Variants in LIN54 observed in about 807,000 individuals in gnomAD.
LIN54 encodes the protein lin-54 DREAM MuvB core complex component.
A neutral mutation model predicts 78.7 loss-of-function variants in LIN54; 9 were observed. The ratio of observed to expected loss-of-function variants is 0.11; its 90% CI spans 0.07 to 0.20. The LOEUF is 0.20. LIN54 is among the 10% of genes least tolerant of loss of function. LIN54 has a pLI of 1.00. For synonymous variants in LIN54, 269 were observed against 318.4 expected (o/e 0.84, Z 1.65); for missense variants, 573 against 889.9 (o/e 0.64, Z 4.53).
In LIN54 at chr4:82,973,058, G is replaced by C. The variant is rs1725811608; in HGVS notation, c.809-2589C>G. 2.0e-5 allele frequency among the ~76,000 whole-genome samples: 3 copies of C among 150,524 alleles called. No homozygotes were observed. The South Asian group carries it at 6.3e-4, about 31-fold the overall frequency. On this transcript the variant is annotated intron_variant, in intron 3 of 12. Transcript: ENST00000340417. ...TAATTCACTTAAAACAGGAACAAAA[G>C]TTTCATTATAAATTACAAAACTAAA...
In LIN54 at chr4:82,926,265, G is replaced by T. The variant is rs567733934; in HGVS notation, c.*1837C>A. 1.7e-4 allele frequency: 26 copies of T among 152,330 alleles called. No homozygotes were observed. The highest frequency in any genetic ancestry group is 3.1e-4 in the Non-Finnish European group (21 of 67,930). The allele number at this position is 152,330 out of a possible 1,614,324, so 9.4% of individuals were successfully genotyped here. On this transcript the variant is annotated 3_prime_UTR_variant, in exon 13 of 13. Transcript: ENST00000340417. ...ATTGCAATCTTTTGAAAAATAACTT[G>T]ATTATTATTTTACCCTCTTACACTA...
At chr4:82,944,476 C>A (rs1369384278) in intron 5 of LIN54, among the ~76,000 whole-genome samples, 3 of 152,182 alleles carry the variant, frequency 2.0e-5, no homozygotes, top group Admixed American at 6.5e-5. Context: ...CCTTAGTCAA[C>A]AATATGGTTT....
In LIN54 at chr4:82,925,891, T is replaced by C. The variant is rs949783116; in HGVS notation, c.*2211A>G. On this transcript the variant is annotated 3_prime_UTR_variant, in exon 13 of 13. Transcript: ENST00000340417. ...ATACCCAACCCTCCCCAAATAGTCT[T>C]TTAAAATCATTGAATTAATGTGGCT... 6.6e-6 allele frequency: 1 copy of C among 152,624 alleles called. No homozygotes were observed. The highest frequency in any genetic ancestry group is 1.5e-5 in the Non-Finnish European group (1 of 68,020). 9.5% of individuals were successfully genotyped at this position (152,624 alleles called of 1,614,324 possible).
chr4:83,006,266 G>A (rs1034625955), intron 1 of LIN54, among the ~76,000 whole-genome samples: 5 of 151,984 alleles, frequency 3.3e-5, no homozygotes, highest in African/African-American at 9.7e-5. Flanking sequence ...TGGCTAACAC[G>A]GTGAAACCCC....
intron 1 of LIN54, among the ~76,000 whole-genome samples, chr4:83,002,316 G>A (rs1334525430): frequency 1.3e-5 from 2 of 151,264 alleles, no homozygotes; most frequent in South Asian, 2.1e-4. Flanking sequence ...CATGAGGATC[G>A]CCTAAGCCCA....
At chr4:82,987,392 C>T (rs944677668) in intron 1 of LIN54, among the ~76,000 whole-genome samples, 2 of 152,120 alleles carry the variant, frequency 1.3e-5, no homozygotes, top group Non-Finnish European at 2.9e-5. Context: ...AAAAATAAGT[C>T]TACTTTTCTA....
At chr4:82,933,211 A>G (rs4693060) in intron 11 of LIN54, among the ~76,000 whole-genome samples, 63,587 of 150,552 alleles carry the variant, frequency 0.42, 16,513 homozygotes, top group Admixed American at 0.58. Context: ...AGTGGGGAAA[A>G]CATACCAATA....
At chr4:82,955,267 C>T (rs561939199) in intron 4 of LIN54, among the ~76,000 whole-genome samples, 49 of 151,962 alleles carry the variant, frequency 3.2e-4, no homozygotes, top group African/African-American at 9.6e-4. Flanking sequence ...AGGAAGCTGA[C>T]GCAAGAGAAT....
At chr4:82,950,487 A>G (rs1476799486) in intron 4 of LIN54, among the ~76,000 whole-genome samples, 1 of 152,226 alleles carries the variant, frequency 6.6e-6, no homozygotes. Flanking sequence ...CCTTTCTTCA[A>G]TTACAGTGGC....
intron 2 of LIN54, among the ~76,000 whole-genome samples, chr4:82,980,368 A>C (rs1726531397): frequency 6.6e-6 from 1 of 152,170 alleles, no homozygotes; most frequent in Admixed American, 6.5e-5. Flanking sequence ...ATAGTGACTC[A>C]AATGAAAAAA....
chr4:82,945,979 A>G (rs1000925809), intron 5 of LIN54, among the ~76,000 whole-genome samples: 1 of 152,234 alleles, frequency 6.6e-6, no homozygotes, highest in African/African-American at 2.4e-5. Context: ...TCCCACTGGC[A>G]TAAATGGCAG....
At chr4:82,961,148 G>C (rs567921026) in intron 4 of LIN54, among the ~76,000 whole-genome samples, 1 of 152,216 alleles carries the variant, frequency 6.6e-6, no homozygotes, top group Admixed American at 6.5e-5. Flanking sequence ...TACTTGATGG[G>C]CTATTTGGAG....
intron 1 of LIN54, among the ~76,000 whole-genome samples, chr4:82,993,608 T>C (rs1275124891): frequency 6.6e-6 from 1 of 151,746 alleles, no homozygotes; most frequent in African/African-American, 2.4e-5. Context: ...CTAAAAATGG[T>C]TTTTTGTTTG....
At chr4:82,974,379 GA>G (rs1290688606) in intron 3 of LIN54, among the ~76,000 whole-genome samples, 1 of 151,984 alleles carries the variant, frequency 6.6e-6, no homozygotes, top group Non-Finnish European at 1.5e-5. Context: ...AGAAAATTCT[GA>G]TATATACTAC....
Position 82,926,757 on chromosome 4 carries a change from AAGAAATCCCACC to A in LIN54, c.*1333_*1344del, listed in dbSNP as rs1301009663. The A allele has an allele frequency of 6.6e-6, 1 of 152,218 alleles. No individual in the cohort carries two copies. The highest frequency in any genetic ancestry group is 6.5e-5 in the Admixed American group (1 of 15,280). 9.4% of individuals were successfully genotyped at this position (152,218 alleles called of 1,614,324 possible). On this transcript the variant is annotated 3_prime_UTR_variant, in exon 13 of 13. Transcript: ENST00000340417. ...TGCCATATTAAACTTCCCTTATAAAAAGAAATCCCACCACAATTTTGAAAATTTTGTTAGGAG... is the reference window on the plus strand; with the variant it reads ...TGCCATATTAAACTTCCCTTATAAAAACAATTTTGAAAATTTTGTTAGGAG...
At chr4:83,001,628 G>A (rs1313669937) in intron 1 of LIN54, among the ~76,000 whole-genome samples, 3 of 150,810 alleles carry the variant, frequency 2.0e-5, no homozygotes, top group Non-Finnish European at 4.4e-5. Flanking sequence ...GGCAGATCAC[G>A]AGGTCAGGAG....
At chr4:82,970,573 T>C (rs1445617901) in intron 3 of LIN54, 104 bp from the exon 4 acceptor site, 3 of 1,064,348 alleles carry the variant, frequency 2.8e-6, no homozygotes, top group African/African-American at 3.2e-5. Context: ...TGTATGTTTG[T>C]TATTTCATGT....
At chr4:83,003,686 T>C (rs975851971) in intron 1 of LIN54, among the ~76,000 whole-genome samples, 3 of 151,898 alleles carry the variant, frequency 2.0e-5, no homozygotes, top group East Asian at 3.9e-4. Flanking sequence ...CCACCATGAC[T>C]AGCTAATTTG....
At chr4:83,007,970 T>G (rs1340532156) in intron 1 of LIN54, among the ~76,000 whole-genome samples, 2 of 152,188 alleles carry the variant, frequency 1.3e-5, no homozygotes, top group East Asian at 3.8e-4. Context: ...AATATTAATC[T>G]GTCATATATC....
Sources: gnomAD v4.1 joint callset for allele counts (sites outside exome capture counted in the v4.1 genomes callset) on GRCh38, gnomAD v4.1.1 for gene constraint, MANE v1.5 for transcripts, NCBI Gene and HGNC (gene_info 2026-07-23, HGNC 2026-07-21) for gene names.